Variants in HAUS7 observed in about 807,000 individuals in gnomAD.
HAUS7 encodes the protein HAUS augmin like complex subunit 7.
Under a neutral mutation model 28.4 loss-of-function variants are expected in HAUS7, and 3 were observed. The ratio of observed to expected loss-of-function variants is 0.11; its 90% CI spans 0.05 to 0.27. The LOEUF (loss-of-function observed/expected upper bound fraction) is 0.27, where lower values mean the gene tolerates loss of function less well. Among genes scored for constraint, HAUS7 ranks in the 10% least tolerant of loss-of-function variants. The pLI is 1.00. For synonymous variants in HAUS7, 165 were observed against 132.1 expected (o/e 1.25, Z -1.71); for missense variants, 284 against 297.3 (o/e 0.96, Z 0.33).
At chrX:153,469,350 C>A (rs868937773) in intron 1 of HAUS7, 89 bp from the exon 2 acceptor site, 4 of 465,241 alleles carry the variant, frequency 8.6e-6, no homozygotes. Flanking sequence ...GAGACGGAGT[C>A]TCACTCTGTC....
At chrX:153,481,485 T>C in intron 1 of HAUS7, 1 of 756,071 alleles carries the variant, frequency 1.3e-6, no homozygotes, top group Non-Finnish European at 1.6e-6. Context: ...GAAGCACACA[T>C]GGGCACAGGC....
At chrX:153,449,003 C>T (rs1401539318) in intron 9 of HAUS7, among the ~76,000 whole-genome samples, 1 of 112,229 alleles carries the variant, frequency 8.9e-6, no homozygotes, top group Non-Finnish European at 1.9e-5. Flanking sequence ...ACACAGACAG[C>T]CCTAAGCCTT....
chrX:153,477,058 G>C (rs782782888), intron 1 of HAUS7, among the ~76,000 whole-genome samples: 1 of 113,102 alleles, frequency 8.8e-6, no homozygotes, highest in African/African-American at 3.2e-5. Flanking sequence ...GCCCACCCAG[G>C]TCAGCCACCA....
At chrX:153,475,746 G>A (rs1293670035) in intron 1 of HAUS7, among the ~76,000 whole-genome samples, 4 of 112,374 alleles carry the variant, frequency 3.6e-5, no homozygotes, top group Non-Finnish European at 7.5e-5. Flanking sequence ...CTTTTCTCTG[G>A]GGGTCACCCC....
chrX:153,455,123 T>A (rs1044056262), intron 8 of HAUS7: 5 of 604,364 alleles, frequency 8.3e-6, no homozygotes, highest in Admixed American at 5.4e-5. Flanking sequence ...CTGAGCAGGC[T>A]CATGGGCAGA....
chrX:153,475,441 G>A (rs782489511), upstream of HAUS7, among the ~76,000 whole-genome samples: 360 of 110,649 alleles, frequency 3.3e-3, 2 homozygotes, highest in African/African-American at 0.011. Context: ...CAAGCATTTA[G>A]TGCTCACCAA....
chrX:153,481,460 G>A, intron 1 of HAUS7: 1 of 755,801 alleles, frequency 1.3e-6, no homozygotes, highest in Non-Finnish European at 1.6e-6. Context: ...CCAGGCCATG[G>A]GTGGAAAAGA....
chrX:153,448,625 C>T lies in HAUS7; in HGVS notation c.1046-716G>A, dbSNP rs782536835. ...GAAACCAACAGGAAAGCGAGCCTGGCGCAAGAGGCGAGGTGCCTCCTGCCC... is the reference window on the plus strand; with the variant it reads ...GAAACCAACAGGAAAGCGAGCCTGGTGCAAGAGGCGAGGTGCCTCCTGCCC... On this transcript the variant is annotated intron_variant, in intron 9 of 9. Transcript: ENST00000370211. 5.4e-5 allele frequency among the ~76,000 whole-genome samples: 6 copies of T among 111,933 alleles called. No individual in the cohort carries two copies. In the South Asian group the frequency reaches 2.2e-3, roughly 42 times the overall value.
intron 9 of HAUS7, among the ~76,000 whole-genome samples, chrX:153,449,554 G>A (rs1556980752): frequency 8.9e-6 from 1 of 112,868 alleles, no homozygotes; most frequent in East Asian, 2.8e-4. Flanking sequence ...TCTTGGTGCA[G>A]GGCTTGGCAG....
chrX:153,472,820 G>GTT (rs2089537938), upstream of HAUS7, among the ~76,000 whole-genome samples: 1 of 108,416 alleles, frequency 9.2e-6, no homozygotes, highest in African/African-American at 3.4e-5. Flanking sequence ...GGGAGGCCTG[G>GTT]GTGGGTCAGG....
intron 1 of HAUS7, among the ~76,000 whole-genome samples, chrX:153,485,333 G>A (rs1262646194): frequency 8.9e-6 from 1 of 111,948 alleles, no homozygotes; most frequent in Non-Finnish European, 1.9e-5. Context: ...AGGACCGGCA[G>A]GGGCAGAGAG....
At chrX:153,456,740 A>G (rs2089317733) in intron 5 of HAUS7, 89 bp from the exon 6 acceptor site, 1 of 723,339 alleles carries the variant, frequency 1.4e-6, no homozygotes, top group Non-Finnish European at 2.0e-6. Context: ...CCCCAGAAGC[A>G]CATCGGGGCC....
At chrX:153,464,901 A>C in intron 3 of HAUS7, 87 bp downstream of exon 3, 1 of 649,288 alleles carries the variant, frequency 1.5e-6, no homozygotes, top group Admixed American at 2.3e-5. Flanking sequence ...GCACCACCTA[A>C]AAGAAAACGT....
At chrX:153,478,205 TGCTCCCACAAACCCTG>T (rs1415453110) in intron 1 of HAUS7, among the ~76,000 whole-genome samples, 1 of 112,668 alleles carries the variant, frequency 8.9e-6, no homozygotes, top group Non-Finnish European at 1.9e-5. Flanking sequence ...CCCGCCTGCC[TGCTCCCACAAACCCTG>T]GCTCCCACAG....
intron 2 of HAUS7, among the ~76,000 whole-genome samples, chrX:153,465,923 C>T (rs782217714): frequency 1.8e-5 from 2 of 112,630 alleles, no homozygotes; most frequent in African/African-American, 3.2e-5. Context: ...GCACCTGCCA[C>T]CACAGCAGCC....
chrX:153,494,460 A>C (rs966430911), intron 1 of HAUS7, among the ~76,000 whole-genome samples: 3 of 112,142 alleles, frequency 2.7e-5, no homozygotes, highest in Middle Eastern at 4.6e-3. Flanking sequence ...CCAGAAATCC[A>C]CAACAGCTAC....
chrX:153,478,611 A>G (rs5945414), intron 1 of HAUS7, among the ~76,000 whole-genome samples: 58,158 of 110,878 alleles, frequency 0.52, 12,798 homozygotes, highest in East Asian at 0.99. Flanking sequence ...CCCCTACCCC[A>G]TTTTACAGAG....
intron 3 of HAUS7, 79 bp downstream of exon 3, chrX:153,464,909 C>T (rs368212451): frequency 1.8e-5 from 12 of 675,268 alleles, no homozygotes; most frequent in East Asian, 6.4e-5. Flanking sequence ...TAAAAGAAAA[C>T]GTTGGTCCAA....
At chrX:153,475,446 C>T (rs2089556692), upstream of HAUS7, among the ~76,000 whole-genome samples, 1 of 111,259 alleles carries the variant, frequency 9.0e-6, no homozygotes, top group Non-Finnish European at 1.9e-5. Flanking sequence ...ATTTAGTGCT[C>T]ACCAAAGCGT....
Sources: allele counts gnomAD v4.1 joint callset (sites outside exome capture counted in the v4.1 genomes callset), GRCh38; gene constraint gnomAD v4.1.1; transcripts MANE v1.5; gene names NCBI Gene and HGNC (gene_info 2026-07-23, HGNC 2026-07-21).